Variants in MAP4K1 observed in about 807,000 individuals in gnomAD.
MAP4K1 encodes the protein mitogen-activated protein kinase kinase kinase kinase 1.
MAP4K1 carries 35 observed loss-of-function variants against 122.8 expected under a neutral mutation model. The observed-to-expected ratio is 0.29, with a 90% CI of 0.22 to 0.38. The LOEUF (loss-of-function observed/expected upper bound fraction) is 0.38, where lower values mean the gene tolerates loss of function less well. MAP4K1 is among the 10% of genes least tolerant of loss of function. MAP4K1 has a pLI of 1.00. For synonymous variants in MAP4K1, 412 were observed against 421.3 expected (o/e 0.98, Z 0.27); for missense variants, 791 against 1,072.6 (o/e 0.74, Z 3.67).
chr19:38,617,787 G>C lies in MAP4K1; in HGVS notation c.99+10C>G, dbSNP rs1004256676. ...GTTGTAGGGTGTTGGGGACAGAGGG[G>C]CTTCCTCACCTTAAAGACTTCCCCA... On this transcript the variant is annotated intron_variant, in intron 1 of 30. Coordinates refer to ENST00000396857, the MANE Select transcript of MAP4K1 (RefSeq NM_001042600.3). This position sits in a 1 kb window ranked among gnomAD's most constrained non-coding sequence, Gnocchi z 4.1. 1.2e-6 allele frequency: 2 copies of C among 1,613,892 alleles called. No individual in the cohort carries two copies. Among genetic ancestry groups the C allele is most frequent in the South Asian group, 1.1e-5 (1 of 91,070 alleles).
At position 38,617,739 on chromosome 19, in the gene MAP4K1, A is replaced by G. The variant is rs1342894797; in HGVS notation, c.99+58T>C. The G allele has an allele frequency of 3.1e-6, 5 of 1,607,578 alleles. No individual in the cohort carries two copies. The African/African-American group carries it at 6.7e-5, about 22-fold the overall frequency. On this transcript the variant is annotated intron_variant, in intron 1 of 30. Coordinates refer to ENST00000396857, the MANE Select transcript of MAP4K1 (RefSeq NM_001042600.3). The surrounding 1 kb of genome is among the most constrained non-coding windows in gnomAD (Gnocchi z 4.1). ...CCCTCTTGCAGCCTCCTCCCTGCCG[A>G]GGGCTTGCCTTAAAGGTCACTGGTT...
At position 38,597,872 on chromosome 19, in the gene MAP4K1, A is replaced by G. The variant is rs1383281358; in HGVS notation, c.1670-278T>C. On this transcript the variant is annotated intron_variant, in intron 22 of 30. Transcript: ENST00000396857. The surrounding 1 kb of genome is among the most constrained non-coding windows in gnomAD (Gnocchi z 4.6). ...TTTGTAGCCGTATCAGAAACTCTGG[A>G]CACATAACCAGTCAGATGAAGTTAC... Among the ~76,000 whole-genome samples, 2 of 152,124 alleles carry G rather than the reference A, an allele frequency of 1.3e-5. No homozygotes were observed. The highest frequency in any genetic ancestry group is 2.4e-5 in the African/African-American group (1 of 41,432).
Position 38,596,448 on chromosome 19 carries a change from G to T in MAP4K1, c.1980C>A (p.Phe660Leu). 6.3e-7 allele frequency: 1 copy of T among 1,586,114 alleles called. No individual in the cohort carries two copies. Residue 660 changes from phenylalanine to leucine, a missense_variant, in exon 26 of 31, where the codon TTC becomes TTA. Transcript: ENST00000396857. Reference protein sequence around the residue: ...LFPLPTPLSVFALLTGPGSEL... With the variant: ...LFPLPTPLSVLALLTGPGSEL... ...CAGAGCCTGGCCCGGTCAGCAGCGC[G>T]AACACGGACAGAGGCGTCGGCAGTG...
rs767615578 is a variant in MAP4K1 at position 38,611,150 on chromosome 19, A to G, written c.729-18T>C. The G allele has an allele frequency of 1.2e-6, 2 of 1,611,682 alleles. No homozygotes were observed. Among genetic ancestry groups the G allele is most frequent in the Non-Finnish European group, 1.7e-6 (2 of 1,178,016 alleles). On this transcript the variant is annotated intron_variant, in intron 10 of 30. Coordinates refer to ENST00000396857, the MANE Select transcript of MAP4K1 (RefSeq NM_001042600.3). ...CAGCCGACCTTGGGAAGAAGAAGCC[A>G]GGTTCTGGATGAGGGGACCAGAAAC...
chr19:38,591,033 AAAGAG>A (rs1179640544), intron 30 of MAP4K1, among the ~76,000 whole-genome samples: 1 of 151,694 alleles, frequency 6.6e-6, no homozygotes, highest in Non-Finnish European at 1.5e-5. Context: ...TGCGCATAAG[AAAGAG>A]AAGAGGCCGG....
rs1325196465 is a variant in MAP4K1 at position 38,597,665 on chromosome 19, C to G, written c.1670-71G>C. On this transcript the variant is annotated intron_variant, in intron 22 of 30. Transcript: ENST00000396857. The surrounding 1 kb of genome is among the most constrained non-coding windows in gnomAD (Gnocchi z 4.6). The stretch of plus-strand genomic sequence containing the variant: ...CCATATACCACTTCCTTTCCTCCAT[C>G]CCTTCCCTCAGCCCCATCCCTTTGT... The G allele has an allele frequency of 9.9e-7, 1 of 1,008,868 alleles. No homozygotes were observed. Among genetic ancestry groups the G allele is most frequent in the Non-Finnish European group, 1.5e-6 (1 of 683,138 alleles). The allele number at this position is 1,008,868 out of a possible 1,614,324, so 62.5% of individuals were successfully genotyped here. A position where few individuals can be genotyped will look rare whatever the true frequency, so the allele number is the denominator to read the frequency against.
At chr19:38,607,939 G>A (rs777344397) in intron 15 of MAP4K1, 28 bp from the exon 16 acceptor site, 7 of 1,612,280 alleles carry the variant, frequency 4.3e-6, no homozygotes, top group Non-Finnish European at 5.1e-6. Flanking sequence ...TGAGCCTTGG[G>A]GGCCTTGTCC....
chr19:38,612,460 T>C (rs1975525916), intron 9 of MAP4K1, 151 bp downstream of exon 9: 1 of 434,430 alleles, frequency 2.3e-6, no homozygotes, highest in African/African-American at 2.0e-5. Flanking sequence ...TTAAATTAAA[T>C]TTAAAAAATA....
chr19:38,590,949 A>G (rs915803051), intron 30 of MAP4K1, among the ~76,000 whole-genome samples: 2 of 150,584 alleles, frequency 1.3e-5, no homozygotes, highest in East Asian at 2.0e-4. Context: ...TTCATTCCCA[A>G]ATATTCATTA....
chr19:38,596,962 T>C, intron 25 of MAP4K1, 72 bp downstream of exon 25: 3 of 1,411,204 alleles, frequency 2.1e-6, no homozygotes, highest in Non-Finnish European at 1.0e-6. Flanking sequence ...GAGCTCTTGA[T>C]AGAAGCGCAA....
intron 29 of MAP4K1, among the ~76,000 whole-genome samples, chr19:38,594,307 A>C (rs760335792): frequency 6.6e-6 from 1 of 152,008 alleles, no homozygotes; most frequent in Non-Finnish European, 1.5e-5. Context: ...TGGTTGCACC[A>C]CTGCACTTCA....
Position 38,595,676 on chromosome 19 carries a change from G to A in MAP4K1, c.2233C>T (p.Pro745Ser), listed in dbSNP as rs1229906921. 17 of 1,613,324 alleles carry A rather than the reference G, an allele frequency of 1.1e-5. No individual in the cohort carries two copies. Among genetic ancestry groups the A allele is most frequent in the Non-Finnish European group, 1.4e-5 (17 of 1,179,530 alleles). ...ACCGCTTCGGTCATGGGGATCTCAG[G>A]TGTGCGAAGTCCCCGGACTGGGGAC... ...EGSPVRGLRT[P>S]EIPMTEAVEA... Residue 745 changes from proline (P) to serine (S), a missense_variant, in exon 28 of 31, where the codon CCT (proline) becomes TCT (serine). Physicochemically the swap from Pro to Ser is moderately conservative, Grantham distance 74. This residue lies in a region of MAP4K1 where 267 missense variants were observed against 323.0 expected (regional missense o/e 0.83). Transcript: ENST00000396857.
intron 19 of MAP4K1, among the ~76,000 whole-genome samples, chr19:38,602,923 C>T (rs1385208795): frequency 6.8e-6 from 1 of 147,300 alleles, no homozygotes. Context: ...TACACATATA[C>T]GCATATACAT....
chr19:38,590,508 T>A (rs1208119999), intron 30 of MAP4K1, among the ~76,000 whole-genome samples: 1 of 147,500 alleles, frequency 6.8e-6, no homozygotes. Context: ...AGACAGAGTC[T>A]CGCTCTGTCA....
chr19:38,587,826 G>T lies in MAP4K1; in HGVS notation c.2397-9C>A. 6.2e-7 allele frequency: 1 copy of T among 1,608,662 alleles called. No homozygotes were observed. The highest frequency in any genetic ancestry group is 1.1e-5 in the South Asian group (1 of 90,950). ...TCTCCACCACTACAGGCCTGTGGAA[G>T]GAAGAGATAAGTCAGTTCATTTATT... On this transcript the variant is annotated splice_polypyrimidine_tract_variant and intron_variant, in intron 30 of 30. Coordinates refer to ENST00000396857, the MANE Select transcript of MAP4K1 (RefSeq NM_001042600.3).
At chr19:38,616,007 C>G (rs1420830573) in intron 4 of MAP4K1, among the ~76,000 whole-genome samples, 188 bp downstream of exon 4, 2 of 150,650 alleles carry the variant, frequency 1.3e-5, no homozygotes, top group African/African-American at 2.4e-5. Flanking sequence ...CACAGTGGCT[C>G]AAGCCCGTAG....
chr19:38,589,750 C>T (rs553518465), intron 30 of MAP4K1, among the ~76,000 whole-genome samples: 12 of 152,248 alleles, frequency 7.9e-5, no homozygotes, highest in Non-Finnish European at 1.0e-4. Flanking sequence ...AAAACAGAGG[C>T]TGGGTGCGGT....
rs35423612 is a variant in MAP4K1 at position 38,601,502 on chromosome 19, C to T, written c.1470G>A (p.Leu490=). Reference sequence around the variant, plus strand: ...GGATCCGGAGGGGGCAGCCATTGAACAACTTTACGAGAAGGGCACATCCCT... The same window carrying T: ...GGATCCGGAGGGGGCAGCCATTGAATAACTTTACGAGAAGGGCACATCCCT... ...KRKGCALLVK[L]FNGCPLRIHS... The change falls in exon 20 of 31, where the codon TTG becomes TTA. Residue 490 remains leucine (L), a synonymous_variant. Transcript: ENST00000396857. 46,648 of 1,608,838 alleles carry T rather than the reference C, an allele frequency of 0.029. 824 individuals are homozygous for T. The highest frequency in any genetic ancestry group is 0.035 in the Non-Finnish European group (41,322 of 1,177,872).
chr19:38,602,545 CATATAT>C (rs563491207), intron 19 of MAP4K1, among the ~76,000 whole-genome samples: 1 of 146,384 alleles, frequency 6.8e-6, no homozygotes, highest in Non-Finnish European at 1.5e-5. Flanking sequence ...TACACATATA[CATATAT>C]ATACACACAT....
Sources: gnomAD v4.1 joint callset for allele counts (sites outside exome capture counted in the v4.1 genomes callset) on GRCh38, gnomAD v4.1.1 for gene constraint, gnomAD v4.1.1 regional missense constraint, Gnocchi (gnomAD v3.1) non-coding constraint, MANE v1.5 for transcripts, NCBI Gene and HGNC (gene_info 2026-07-23, HGNC 2026-07-21) for gene names.